Variants in CDKN2B-AS1 observed in about 807,000 individuals in gnomAD.
CDKN2B-AS1 encodes CDKN2B and CDKN2A antisense cis and trans regulatory RNA 1, also known as CDKN2B antisense RNA 1 (non-protein coding).
At chr9:22,029,509 C>G (rs764485288) in intron 1 of CDKN2B-AS1, 1 of 779,608 alleles carries the variant, frequency 1.3e-6, no homozygotes, top group East Asian at 2.4e-5. Flanking sequence ...CTCAGCTCCT[C>G]TCATCTGATC....
At chr9:22,125,307 C>G (rs913433927) in intron 4 of CDKN2B-AS1, among the ~76,000 whole-genome samples, 2 of 152,142 alleles carry the variant, frequency 1.3e-5, no homozygotes, top group African/African-American at 4.8e-5. Flanking sequence ...TTGGTAATAT[C>G]CAATAAAGAA....
At chr9:22,068,771 A>G (rs1046729430) in intron 4 of CDKN2B-AS1, among the ~76,000 whole-genome samples, 1 of 152,220 alleles carries the variant, frequency 6.6e-6, no homozygotes, top group African/African-American at 2.4e-5. Flanking sequence ...ATGAAACATA[A>G]TCAAGCTTGG....
At chr9:22,114,414 A>G (rs565562014) in intron 4 of CDKN2B-AS1, among the ~76,000 whole-genome samples, 5 of 152,344 alleles carry the variant, frequency 3.3e-5, no homozygotes, top group African/African-American at 1.2e-4. Flanking sequence ...AGATTCGCCG[A>G]GGTAAACCTT....
At chr9:22,069,856 G>C (rs1334753614) in intron 4 of CDKN2B-AS1, among the ~76,000 whole-genome samples, 2 of 152,000 alleles carry the variant, frequency 1.3e-5, no homozygotes, top group Non-Finnish European at 2.9e-5. Context: ...GGTAACCACT[G>C]TTCTATTCCT....
chr9:22,056,537 A>G (rs945003926), intron 4 of CDKN2B-AS1: 2 of 152,332 alleles, frequency 1.3e-5, no homozygotes, highest in Non-Finnish European at 2.9e-5. Context: ...CCGCATGGAC[A>G]CAGGTGACTG....
intron 1 of CDKN2B-AS1, among the ~76,000 whole-genome samples, chr9:22,008,250 C>T (rs893673477): frequency 3.3e-5 from 5 of 152,138 alleles, no homozygotes; most frequent in African/African-American, 9.7e-5. Flanking sequence ...TATTTTTTCT[C>T]TTATGCATCA....
In CDKN2B-AS1 at chr9:22,006,032, G is replaced by A. The variant is rs1252133002; in HGVS notation, n.29+10871G>A. On this transcript the variant is annotated intron_variant and non_coding_transcript_variant, in intron 1 of 4. Transcript: ENST00000650946. This position sits in a 1 kb window ranked among gnomAD's most constrained non-coding sequence, Gnocchi z 6.4. The stretch of plus-strand genomic sequence containing the variant: ...GCAGGTACCCTGCAACGTCGCGGTG[G>A]CCCCGCTCCTCGGCCAAGTCCACGG... 3 of 1,604,126 alleles carry A rather than the reference G, an allele frequency of 1.9e-6. No individual in the cohort carries two copies. Among genetic ancestry groups the A allele is most frequent in the Admixed American group, 1.7e-5 (1 of 59,928 alleles).
At chr9:22,036,911 A>G (rs1272081179) in intron 1 of CDKN2B-AS1, among the ~76,000 whole-genome samples, 1 of 152,106 alleles carries the variant, frequency 6.6e-6, no homozygotes, top group Admixed American at 6.6e-5. Flanking sequence ...ACAAGTTGCC[A>G]TTAATCCAGA....
intron 4 of CDKN2B-AS1, among the ~76,000 whole-genome samples, chr9:22,076,695 T>G (rs1824505482): frequency 6.6e-6 from 1 of 152,160 alleles, no homozygotes. Context: ...TTATTATTTT[T>G]TAAATTTATT....
At chr9:22,116,161 T>C (rs1825944950) in intron 4 of CDKN2B-AS1, among the ~76,000 whole-genome samples, 1 of 152,206 alleles carries the variant, frequency 6.6e-6, no homozygotes, top group Non-Finnish European at 1.5e-5. Context: ...TTATAATTGA[T>C]AATTTGGACT....
intron 3 of CDKN2B-AS1, among the ~76,000 whole-genome samples, chr9:22,050,613 G>A (rs6475603): frequency 0.076 from 11,562 of 152,228 alleles, 1,442 homozygotes; most frequent in African/African-American, 0.26. Context: ...TGCTTCCTAG[G>A]AGAGCAGTGA....
intron 3 of CDKN2B-AS1, among the ~76,000 whole-genome samples, chr9:22,049,987 G>A (rs1276145418): frequency 6.6e-6 from 1 of 152,046 alleles, no homozygotes; most frequent in Non-Finnish European, 1.5e-5. Flanking sequence ...GAACAATTTA[G>A]ACATTGCCTT....
intron 3 of CDKN2B-AS1, among the ~76,000 whole-genome samples, chr9:22,055,238 T>C (rs1238158376): frequency 6.6e-6 from 1 of 152,236 alleles, no homozygotes; most frequent in African/African-American, 2.4e-5. Flanking sequence ...AACTAAGATA[T>C]CTGTCATCTC....
chr9:22,118,156 G>A (rs1233145924), intron 4 of CDKN2B-AS1: 2 of 152,192 alleles, frequency 1.3e-5, no homozygotes, highest in Admixed American at 6.5e-5. Context: ...CTTGTCATGA[G>A]CCATTCTCTC....
rs534649914 is a variant in CDKN2B-AS1 at position 22,013,424 on chromosome 9, TAC to T, written n.29+18265_29+18266del. Among the ~76,000 whole-genome samples, 291 of 152,310 alleles carry T rather than the reference TAC, an allele frequency of 1.9e-3. 2 individuals carry two copies. The highest frequency in any genetic ancestry group is 6.6e-3 in the African/African-American group (274 of 41,560). ...GGATATTGAAATTGGTTGAAATTGC[TAC>T]AGTCTCTTGTATCTCTCTCTCTCTC... On this transcript the variant is annotated intron_variant and non_coding_transcript_variant, in intron 1 of 4. Coordinates refer to ENST00000650946, the Ensembl canonical transcript of CDKN2B-AS1.
intron 1 of CDKN2B-AS1, among the ~76,000 whole-genome samples, chr9:22,018,742 A>C (rs1294485844): frequency 2.0e-5 from 3 of 152,232 alleles, no homozygotes; most frequent in African/African-American, 7.2e-5. Flanking sequence ...CTTTTACTTC[A>C]TCTACATTTT....
intron 1 of CDKN2B-AS1, among the ~76,000 whole-genome samples, chr9:22,013,692 A>G (rs1054178166): frequency 1.3e-5 from 2 of 152,086 alleles, no homozygotes; most frequent in Non-Finnish European, 2.9e-5. Context: ...GGCTCACACA[A>G]TTCTTTCACC....
intron 4 of CDKN2B-AS1, among the ~76,000 whole-genome samples, chr9:22,092,680 A>T (rs1235291708): frequency 6.6e-6 from 1 of 151,866 alleles, no homozygotes; most frequent in Non-Finnish European, 1.5e-5. Context: ...TCCCCTTTTA[A>T]TTTTTTATTG....
intron 4 of CDKN2B-AS1, among the ~76,000 whole-genome samples, chr9:22,081,908 G>A (rs561559113): frequency 6.6e-6 from 1 of 152,140 alleles, no homozygotes; most frequent in South Asian, 2.1e-4. Context: ...TTTCCCAGGA[G>A]TTTTTTTTAC....
Sources: allele counts gnomAD v4.1 joint callset (sites outside exome capture counted in the v4.1 genomes callset), GRCh38; gene constraint gnomAD v4.1.1; non-coding constraint Gnocchi (gnomAD v3.1); transcripts MANE v1.5; gene names NCBI Gene and HGNC (gene_info 2026-07-23, HGNC 2026-07-21).